The following LRP1B variants were observed in gnomAD, a reference collection of about 807,000 sequenced individuals.
LRP1B encodes low-density lipoprotein receptor-related protein 1B.
Under a neutral mutation model 556.6 loss-of-function variants are expected in LRP1B, and 217 were observed. The ratio of observed to expected loss-of-function variants is 0.39; its 90% confidence interval spans 0.35 to 0.44. LRP1B has a LOEUF of 0.44. Ranked by LOEUF, LRP1B falls within the 20% of genes least tolerant of loss-of-function variation. The pLI, the probability that LRP1B is intolerant of heterozygous loss-of-function variation, is 1.00. For synonymous variants in LRP1B, 2,047 were observed against 1,865.8 expected (o/e 1.10, Z -2.50); for missense variants, 5,053 against 5,620.8 (o/e 0.90, Z 3.23).
chr2:140,456,547 C>T lies in LRP1B; in HGVS notation c.9871G>A (p.Ala3291Thr), dbSNP rs1459443501. The T allele has an allele frequency of 3.7e-6, 6 of 1,613,022 alleles. No individual in the cohort carries two copies. Among genetic ancestry groups the T allele is most frequent in the Non-Finnish European group, 5.1e-6 (6 of 1,179,436 alleles). The change falls in exon 62 of 91, where the codon GCC becomes ACC. Residue 3291 changes from alanine (A) to threonine (T), a missense_variant. Coordinates refer to ENST00000389484, the MANE Select transcript of LRP1B (RefSeq NM_018557.3). ...NGGCSHLCLL[A>T]PGKTHTCACP... ...GCACAAGTGTGGGTTTTTCCAGGGG[C>T]TAAAAGGCACAAATGACTGCAACCA...
intron 11 of LRP1B, among the ~76,000 whole-genome samples, chr2:141,031,296 TATAAAG>T (rs1698364734): frequency 6.7e-6 from 1 of 148,912 alleles, no homozygotes; most frequent in African/African-American, 2.5e-5. Context: ...TACATATATA[TATAAAG>T]AGAGAGAGAG....
At chr2:141,516,525 T>C (rs967885481) in intron 2 of LRP1B, among the ~76,000 whole-genome samples, 1 of 152,106 alleles carries the variant, frequency 6.6e-6, no homozygotes, top group East Asian at 1.9e-4. Context: ...GGAAAAGTAA[T>C]GGGCTCAATC....
intron 1 of LRP1B, among the ~76,000 whole-genome samples, chr2:142,121,564 C>T (rs1423124014): frequency 1.3e-5 from 2 of 152,172 alleles, no homozygotes; most frequent in South Asian, 2.1e-4. Flanking sequence ...AGCTTGTCCC[C>T]TCTCGTCACT....
chr2:141,527,445 C>T (rs1355237118), intron 2 of LRP1B, among the ~76,000 whole-genome samples: 2 of 151,802 alleles, frequency 1.3e-5, no homozygotes, highest in African/African-American at 4.8e-5. Context: ...TAGTCACAAC[C>T]AGGGAGGAAA....
At chr2:140,880,106 A>C (rs1355303083) in intron 25 of LRP1B, among the ~76,000 whole-genome samples, 1 of 152,164 alleles carries the variant, frequency 6.6e-6, no homozygotes, top group African/African-American at 2.4e-5. Context: ...TTCACCAACG[A>C]AATTTTTATG....
At chr2:142,030,521 A>G (rs1400319742) in intron 1 of LRP1B, among the ~76,000 whole-genome samples, 3 of 151,950 alleles carry the variant, frequency 2.0e-5, no homozygotes, top group African/African-American at 7.2e-5. Flanking sequence ...GATAGCTGAT[A>G]TCTGGGGGTG....
chr2:140,716,926 T>C (rs969148730), intron 35 of LRP1B, 110 bp from the exon 36 acceptor site: 1 of 492,890 alleles, frequency 2.0e-6, no homozygotes, highest in Non-Finnish European at 3.4e-6. Context: ...ATCCTGGGTA[T>C]GCTAGATTTT....
chr2:140,475,842 G>T (rs1173762930), intron 59 of LRP1B, among the ~76,000 whole-genome samples: 1 of 151,786 alleles, frequency 6.6e-6, no homozygotes, highest in Non-Finnish European at 1.5e-5. Flanking sequence ...AAAATTAAAT[G>T]AAATGAACTG....
intron 31 of LRP1B, among the ~76,000 whole-genome samples, chr2:140,815,573 G>C (rs977138727): frequency 3.9e-5 from 6 of 152,138 alleles, no homozygotes; most frequent in Admixed American, 3.3e-4. Flanking sequence ...GTAAGGTAGT[G>C]ACTGGCCACA....
In LRP1B at chr2:141,528,150, T is replaced by C. The variant is rs1047371043; in HGVS notation, c.206-47617A>G. The stretch of plus-strand genomic sequence containing the variant: ...TCCAGTGGCTTCTGCTTGGCCTGCT[T>C]TGACTTAGAGATGAAACATCCAAGT... On this transcript the variant is annotated intron_variant, in intron 2 of 90. Transcript: ENST00000389484. Among the ~76,000 whole-genome samples the C allele has an allele frequency of 3.3e-5, 5 of 151,702 alleles. No individual in the cohort carries two copies. In the Admixed American group the frequency reaches 3.3e-4, roughly 10 times the overall value.
At chr2:141,714,803 T>A (rs1356573272) in intron 2 of LRP1B, among the ~76,000 whole-genome samples, 1 of 152,132 alleles carries the variant, frequency 6.6e-6, no homozygotes, top group East Asian at 1.9e-4. Context: ...GCAGGTTTGC[T>A]TTTTTCTAAA....
At chr2:140,948,718 C>G (rs1573911430) in intron 20 of LRP1B, among the ~76,000 whole-genome samples, 2 of 152,162 alleles carry the variant, frequency 1.3e-5, no homozygotes, top group African/African-American at 4.8e-5. Context: ...ATGTCAAGAC[C>G]ATCAACCATG....
intron 1 of LRP1B, among the ~76,000 whole-genome samples, chr2:141,868,573 C>A (rs1698486588): frequency 6.6e-6 from 1 of 152,152 alleles, no homozygotes; most frequent in Non-Finnish European, 1.5e-5. Context: ...ATGTTGTACA[C>A]TGTTGATAAA....
In LRP1B at chr2:141,848,287, C is replaced by T. The variant is rs74928041; in HGVS notation, c.83-37886G>A. Reference sequence around the variant, plus strand: ...ATTGGTATAAACTCCAGAGAAGTCCCTTGGAAATTCTGAGAGACTGAGTGA... The same window carrying T: ...ATTGGTATAAACTCCAGAGAAGTCCTTTGGAAATTCTGAGAGACTGAGTGA... On this transcript the variant is annotated intron_variant, in intron 1 of 90. Coordinates refer to ENST00000389484, the MANE Select transcript of LRP1B (RefSeq NM_018557.3). Among the ~76,000 whole-genome samples, 1,239 of 151,488 alleles carry T rather than the reference C, an allele frequency of 8.2e-3. 23 individuals are homozygous for T. Among genetic ancestry groups the T allele is most frequent in the African/African-American group, 0.029 (1,181 of 41,430 alleles).
intron 3 of LRP1B, among the ~76,000 whole-genome samples, chr2:141,340,413 T>A (rs890577785): frequency 4.6e-5 from 7 of 152,172 alleles, no homozygotes; most frequent in African/African-American, 1.7e-4. Context: ...ACATAAATCT[T>A]TAGAAAATGA....
chr2:141,120,578 T>C (rs1045277869), intron 7 of LRP1B, among the ~76,000 whole-genome samples: 1 of 152,072 alleles, frequency 6.6e-6, no homozygotes, highest in African/African-American at 2.4e-5. Flanking sequence ...AGCTATCTGA[T>C]ATAAATAAGG....
chr2:141,319,796 A>G (rs1180080998), intron 3 of LRP1B, among the ~76,000 whole-genome samples: 2 of 152,126 alleles, frequency 1.3e-5, no homozygotes, highest in South Asian at 2.1e-4. Context: ...CATGTAATAC[A>G]TGAGTCAAGT....
intron 84 of LRP1B, among the ~76,000 whole-genome samples, chr2:140,275,036 G>T (rs954736580): frequency 3.3e-5 from 5 of 151,942 alleles, no homozygotes; most frequent in Non-Finnish European, 5.9e-5. Context: ...AAAGAATGAG[G>T]GTCGTGATTA....
At chr2:140,341,579 A>G (rs1271314010) in intron 77 of LRP1B, among the ~76,000 whole-genome samples, 1 of 151,488 alleles carries the variant, frequency 6.6e-6, no homozygotes, top group African/African-American at 2.4e-5. Flanking sequence ...TAATTAGCAA[A>G]ATTAAGGAAG....
Sources: gnomAD v4.1 joint callset for allele counts (sites outside exome capture counted in the v4.1 genomes callset) on GRCh38, gnomAD v4.1.1 for gene constraint, MANE v1.5 for transcripts, NCBI Gene and HGNC (gene_info 2026-07-23, HGNC 2026-07-21) for gene names.